Variants in MLST8 observed in about 807,000 individuals in gnomAD.
The protein encoded by MLST8 is MTOR associated protein MLST8.
A neutral mutation model predicts 41.3 loss-of-function variants in MLST8; 20 were observed. That is an observed-to-expected ratio of 0.48 (90% CI 0.34 to 0.70). MLST8 has a LOEUF of 0.70. Among genes scored for constraint, MLST8 ranks in the 30% least tolerant of loss-of-function variants. The probability of loss-of-function intolerance (pLI) is 0.01; values close to 1 mark genes in which losing one functional copy is unlikely to be tolerated. For missense variants in MLST8, 422 were observed against 454.3 expected, an observed-to-expected ratio of 0.93 and a Z score of 0.65; for synonymous variants, 243 against 183.0, an observed-to-expected ratio of 1.33 and a Z score of -2.65.
intron 2 of MLST8, 31 bp downstream of exon 2, chr16:2,206,245 G>T: frequency 6.2e-7 from 1 of 1,600,838 alleles, no homozygotes. Context: ...GCAGGGCGGC[G>T]CTGGGGGGAT....
Position 2,209,174 on chromosome 16 carries a change from C to G in MLST8, c.*297C>G. 4 of 668,136 alleles carry G rather than the reference C, an allele frequency of 6.0e-6. No individual in the cohort carries two copies. In the South Asian group the frequency reaches 7.6e-5, roughly 13 times the overall value. The allele number at this position is 668,136 out of a possible 1,614,324, so 41.4% of individuals were successfully genotyped here. ...TGCTGAGGGGTCTGAGGCTGGTGCC[C>G]ACCCCCAAGCTAGTGTGTTCTCTGC... On this transcript the variant is annotated 3_prime_UTR_variant, in exon 9 of 9. Transcript: ENST00000569417.
intron 1 of MLST8, 89 bp from the exon 2 acceptor site, chr16:2,205,942 T>C: frequency 6.9e-7 from 1 of 1,448,220 alleles, no homozygotes; most frequent in Non-Finnish European, 9.1e-7. Context: ...AAAATGGGAA[T>C]GATAAGCGCC....
chr16:2,207,506 C>T (rs1344584778), intron 6 of MLST8, 161 bp downstream of exon 6: 10 of 848,020 alleles, frequency 1.2e-5, no homozygotes, highest in Admixed American at 5.4e-5. Flanking sequence ...GCCTTAGTGT[C>T]GCTCCCGATG....
Position 2,206,246 on chromosome 16 carries a change from C to CT in MLST8, c.129+33dup, listed in dbSNP as rs751389100. 5 of 1,600,816 alleles carry CT rather than the reference C, an allele frequency of 3.1e-6. No individual in the cohort carries two copies. The African/African-American group carries it at 6.7e-5, about 21-fold the overall frequency. ...TCCACCCGGGGCGGGCAGGGCGGCG[C>CT]TGGGGGGATGCCTCGTGTGGGGACC... On this transcript the variant is annotated intron_variant, in intron 2 of 8. Coordinates refer to ENST00000569417, the MANE Select transcript of MLST8 (RefSeq NM_022372.6).
intron 1 of MLST8, chr16:2,205,785 C>A (rs554164754): frequency 9.4e-7 from 1 of 1,066,870 alleles, no homozygotes. Flanking sequence ...CGTGACTCCC[C>A]CCTGCCGGCT....
At chr16:2,207,418 T>A in intron 6 of MLST8, 73 bp downstream of exon 6, 1 of 1,550,510 alleles carries the variant, frequency 6.4e-7, no homozygotes, top group Non-Finnish European at 8.8e-7. Context: ...GTGGGCTTAT[T>A]CCTGGATGTC....
rs752519138 is a variant in MLST8, at chr16:2,206,120, C to T, written c.35C>T (p.Pro12Leu). 1.1e-5 allele frequency: 18 copies of T among 1,609,890 alleles called. No homozygotes were observed. Among genetic ancestry groups the T allele is most frequent in the Admixed American group, 1.7e-5 (1 of 59,794 alleles). ...NTSPGTVGSD[P>L]VILATAGYDH... ...TCCCCAGGCACGGTGGGCAGTGACC[C>T]GGTCATCCTGGCCACTGCAGGCTAC... Residue 12 changes from proline to leucine, a missense_variant, in exon 2 of 9, where the codon CCG becomes CTG. Pro to Leu is a moderately conservative substitution (Grantham distance 98). Coordinates refer to ENST00000569417, the MANE Select transcript of MLST8 (RefSeq NM_022372.6).
chr16:2,208,233 G>C lies in MLST8; in HGVS notation c.597G>C (p.Leu199=), dbSNP rs776234505. ...NSTGNCYVWN[L]TGGIGDEVTQ... Reference sequence around the variant, plus strand: ...AGGGAAACTGCTATGTCTGGAATCTGACGGGGGGCATTGGTGACGAGGTGA... The same window carrying C: ...AGGGAAACTGCTATGTCTGGAATCTCACGGGGGGCATTGGTGACGAGGTGA... Residue 199 remains leucine, a synonymous_variant, in exon 7 of 9, where the codon CTG becomes CTC. Transcript: ENST00000569417. The C allele has an allele frequency of 2.5e-6, 4 of 1,613,186 alleles. No individual in the cohort carries two copies. The highest frequency in any genetic ancestry group is 3.4e-6 in the Non-Finnish European group (4 of 1,179,486).
In MLST8 at chr16:2,206,545, C is replaced by T. The variant is rs748183550; in HGVS notation, c.230C>T (p.Pro77Leu). 6.2e-7 allele frequency: 1 copy of T among 1,613,838 alleles called. No individual in the cohort carries two copies. The highest frequency in any genetic ancestry group is 8.5e-7 in the Non-Finnish European group (1 of 1,179,900). The change falls in exon 4 of 9, where the codon CCC becomes CTC. Residue 77 changes from proline (P) to leucine (L), a missense_variant. Coordinates refer to ENST00000569417, the MANE Select transcript of MLST8 (RefSeq NM_022372.6). ...MYDLNSNNPN[P>L]IISYDGVNKN... ...GATCTCAACTCCAATAACCCTAACC[C>T]CATCATCAGCTACGACGGCGTCAAC... is the stretch of plus-strand genomic sequence containing the variant.
In MLST8 at chr16:2,208,995, C is replaced by T; in HGVS notation, c.*118C>T. The T allele has an allele frequency of 8.8e-7, 1 of 1,141,240 alleles. No individual in the cohort carries two copies. Among genetic ancestry groups the T allele is most frequent in the Non-Finnish European group, 1.3e-6 (1 of 780,928 alleles). 70.7% of individuals were successfully genotyped at this position (1,141,240 alleles called of 1,614,324 possible). The stretch of plus-strand genomic sequence containing the variant: ...TGCGCCAGCTGGACCTGATGGCCCC[C>T]TGTGGCGCCTTGACCTGCTGGGCCA... On this transcript the variant is annotated 3_prime_UTR_variant, in exon 9 of 9. Transcript: ENST00000569417.
rs757361634 is a variant in MLST8, at chr16:2,208,762, C to G, written c.866C>G (p.Ser289Cys). 10 of 1,613,898 alleles carry G rather than the reference C, an allele frequency of 6.2e-6. No individual in the cohort carries two copies. The highest frequency in any genetic ancestry group is 1.3e-5 in the African/African-American group (1 of 74,944). ...CCTGCACAATCTCCCCCTCCAGCTT[C>G]CTCGGACAACCTGGCCCGGCTCTGG... ...SGDSQYIVTA[S>C]SDNLARLWCV... Residue 289 changes from serine (S) to cysteine (C), a missense_variant, in exon 9 of 9, where the codon TCC becomes TGC. By Grantham distance (112) the Ser-to-Cys change is moderately radical (BLOSUM62 -1). Coordinates refer to ENST00000569417, the MANE Select transcript of MLST8 (RefSeq NM_022372.6).
In MLST8 at chr16:2,206,200, C is replaced by G; in HGVS notation, c.115C>G (p.Gln39Glu). The G allele has an allele frequency of 6.2e-7, 1 of 1,608,994 alleles. No homozygotes were observed. The highest frequency in any genetic ancestry group is 8.5e-7 in the Non-Finnish European group (1 of 1,178,240). The change falls in exon 2 of 9, where the codon CAG becomes GAG. Residue 39 changes from glutamine (Q) to glutamate (E), a missense_variant. Physicochemically the swap from Gln to Glu is conservative, Grantham distance 29. Transcript: ENST00000569417. ...AHSGICTRTV[Q>E]HQDSQVNALE... ...CAGCGGCATCTGCACCCGGACGGTG[C>G]AGCACCAGGACTCCGTATCCTCCAC... is the stretch of plus-strand genomic sequence containing the variant.
At chr16:2,205,764 T>C (rs2093269922) in intron 1 of MLST8, 2 of 1,036,728 alleles carry the variant, frequency 1.9e-6, no homozygotes, top group South Asian at 4.1e-5. Flanking sequence ...TGCGGCAGAG[T>C]GGCGCCCGCG....
rs189986681 is a variant in MLST8, at chr16:2,206,934, G to T, written c.345-101G>T. On this transcript the variant is annotated intron_variant, in intron 4 of 8. Transcript: ENST00000569417. ...GTCCCAAGTATTTCCCAAGAGGCAG[G>T]TCCTTCAGCAGAGGGAGGGGAGGAA... 3,569 of 1,437,394 alleles carry T rather than the reference G, an allele frequency of 2.5e-3. 61 individuals are homozygous for T. In the African/African-American group the frequency reaches 0.043, roughly 17 times the overall value. The allele number at this position is 1,437,394 out of a possible 1,614,324, so 89.0% of individuals were successfully genotyped here.
At chr16:2,208,167 C>A in intron 6 of MLST8, 43 bp from the exon 7 acceptor site, 1 of 1,566,106 alleles carries the variant, frequency 6.4e-7, no homozygotes, top group African/African-American at 1.4e-5. Context: ...GTGTCTCAGA[C>A]CTGAGGCCTT....
rs1362386387 is a variant in MLST8 at position 2,206,628 on chromosome 16, G to A, written c.313G>A (p.Glu105Lys). ...EDGRWMYTGGEDCTARIWDLR... is the reference protein window; with the variant it reads ...EDGRWMYTGGKDCTARIWDLR... ...CGGCCGCTGGATGTACACGGGCGGC[G>A]AGGACTGCACAGCCAGGATCTGGGA... is the stretch of plus-strand genomic sequence containing the variant. The change falls in exon 4 of 9, where the codon GAG becomes AAG. Residue 105 changes from glutamate to lysine, a missense_variant. Physicochemically the swap from Glu to Lys is moderately conservative, Grantham distance 56 (BLOSUM62 1). Transcript: ENST00000569417. 4 of 1,613,636 alleles carry A rather than the reference G, an allele frequency of 2.5e-6. No homozygotes were observed. The highest frequency in any genetic ancestry group is 1.1e-5 in the South Asian group (1 of 91,086).
In MLST8 at chr16:2,209,345, T is replaced by TGGGCCAGGTC. The variant is rs750451769; in HGVS notation, c.*472_*481dup. ...CCACTGGATTGGGGACGGGCCAGGC[T>TGGGCCAGGTC]GGGCCAGGTCGGGGGCTCAGTCTGG... On this transcript the variant is annotated 3_prime_UTR_variant, in exon 9 of 9. Transcript: ENST00000569417. 3.2e-5 allele frequency: 51 copies of TGGGCCAGGTC among 1,604,604 alleles called. No homozygotes were observed. Among genetic ancestry groups the TGGGCCAGGTC allele is most frequent in the Non-Finnish European group, 4.3e-5 (51 of 1,173,154 alleles).
chr16:2,206,867 C>A, intron 4 of MLST8, 168 bp from the exon 5 acceptor site: 1 of 1,071,194 alleles, frequency 9.3e-7, no homozygotes, highest in Non-Finnish European at 1.4e-6. Flanking sequence ...CCCCTTCCAC[C>A]AGCCACTGGC....
intron 1 of MLST8, chr16:2,205,800 AG>A: frequency 9.5e-7 from 1 of 1,055,426 alleles, no homozygotes; most frequent in Non-Finnish European, 1.1e-6. Context: ...CCGGCTGCGG[AG>A]GTGGGGGGGG....
Sources: gnomAD v4.1 joint callset for allele counts on GRCh38, gnomAD v4.1.1 for gene constraint, MANE v1.5 for transcripts, NCBI Gene and HGNC (gene_info 2026-07-23, HGNC 2026-07-21) for gene names.